The following PFKFB4 variants were observed in gnomAD, a reference collection of about 807,000 sequenced individuals.
PFKFB4 encodes the protein 6-phosphofructo-2-kinase/fructose-2,6-biphosphatase 4.
A neutral mutation model predicts 62.8 loss-of-function variants in PFKFB4; 42 were observed. That is an observed-to-expected ratio of 0.67 (90% CI 0.52 to 0.86). The LOEUF (loss-of-function observed/expected upper bound fraction) is 0.86. PFKFB4 is among the 40% of genes least tolerant of loss of function. The pLI, the probability that PFKFB4 is intolerant of heterozygous loss-of-function variation, is 0.00. For synonymous variants in PFKFB4, 204 were observed against 240.7 expected, an observed-to-expected ratio of 0.85 and a Z score of 1.41; for missense variants, 475 against 627.2, an observed-to-expected ratio of 0.76 and a Z score of 2.59.
At chr3:48,519,941 C>G in intron 13 of PFKFB4, 135 bp from the exon 14 acceptor site, 1 of 660,734 alleles carries the variant, frequency 1.5e-6, no homozygotes, top group Non-Finnish European at 2.7e-6. Flanking sequence ...GACTCTAGAC[C>G]ACAAGCTTCC....
At position 48,538,482 on chromosome 3, in the gene PFKFB4, C is replaced by T. The variant is rs370965964; in HGVS notation, c.632+16G>A. ...CCACCATCACAGCTGCAGGGCCTGGCGCTGCCCTGACTCACCTATCCAGGT... is the reference window on the plus strand; with the variant it reads ...CCACCATCACAGCTGCAGGGCCTGGTGCTGCCCTGACTCACCTATCCAGGT... On this transcript the variant is annotated intron_variant, in intron 7 of 13. Transcript: ENST00000232375. 60 of 1,612,926 alleles carry T rather than the reference C, an allele frequency of 3.7e-5. No individual in the cohort carries two copies. The African/African-American group carries it at 5.7e-4, about 15-fold the overall frequency.
chr3:48,533,529 C>T (rs983300894), intron 9 of PFKFB4, among the ~76,000 whole-genome samples: 1 of 152,126 alleles, frequency 6.6e-6, no homozygotes, highest in African/African-American at 2.4e-5. Context: ...ACCAGATTTG[C>T]TCTGGCCCCA....
chr3:48,522,129 G>A (rs2042115640), intron 12 of PFKFB4, 79 bp from the exon 13 acceptor site: 6 of 1,307,598 alleles, frequency 4.6e-6, no homozygotes, highest in Non-Finnish European at 6.6e-6. Flanking sequence ...TCTCTTGGAG[G>A]GGGGTCTGGG....
chr3:48,543,743 G>A, intron 3 of PFKFB4, 97 bp from the exon 4 acceptor site: 2 of 877,210 alleles, frequency 2.3e-6, no homozygotes, highest in East Asian at 2.6e-5. Flanking sequence ...ACAGGAGAAG[G>A]AACAGCCCCG....
At position 48,521,628 on chromosome 3, in the gene PFKFB4, C is replaced by G. The variant is rs2042096930; in HGVS notation, c.1350+358G>C. 1.3e-5 allele frequency among the ~76,000 whole-genome samples: 2 copies of G among 152,174 alleles called. No homozygotes were observed. Among genetic ancestry groups the G allele is most frequent in the African/African-American group, 4.8e-5 (2 of 41,436 alleles). Reference sequence around the variant, plus strand: ...AGGCCAGAAGCCTCATTCTTAGCCTCCAGCCTCATTCTCACTGAGCCCAAG... The same window carrying G: ...AGGCCAGAAGCCTCATTCTTAGCCTGCAGCCTCATTCTCACTGAGCCCAAG... On this transcript the variant is annotated intron_variant, in intron 13 of 13. Transcript: ENST00000232375. The surrounding 1 kb of genome is among the most constrained non-coding windows in gnomAD (Gnocchi z 5.3).
rs76188073 is a variant in PFKFB4, at chr3:48,553,506, G to A, written c.97+3175C>T. On this transcript the variant is annotated intron_variant, in intron 1 of 13. Transcript: ENST00000232375. ...AAAAGAACACACTGTTTATAACATT[G>A]AGCATGTGCGGAAGGAAATGTGAAG... 1.1e-3 allele frequency among the ~76,000 whole-genome samples: 160 copies of A among 152,174 alleles called. 1 individual carries two copies. Among genetic ancestry groups the A allele is most frequent in the African/African-American group, 3.7e-3 (154 of 41,510 alleles).
At chr3:48,557,014 GT>G (rs1456296251), upstream of PFKFB4, 15 of 1,326,278 alleles carry the variant, frequency 1.1e-5, no homozygotes, top group Admixed American at 3.6e-5. Flanking sequence ...AGTGGGCCCA[GT>G]TCTTCAGGCC....
In PFKFB4 at chr3:48,535,555, C is replaced by A. The variant is rs1374816757; in HGVS notation, c.944G>T (p.Gly315Val). ...GACCTTCCACTGTTCATAGGGCACA[C>A]CCAGTGCCTCAGCCGTCTGGATTGT... ...KRTIQTAEALGVPYEQWKVLN... is the reference protein window; with the variant it reads ...KRTIQTAEALVVPYEQWKVLN... The change falls in exon 9 of 14, where the codon GGT becomes GTT. Residue 315 changes from glycine (G) to valine (V), a missense_variant. Gly to Val is a moderately radical substitution (Grantham distance 109). Transcript: ENST00000232375. The A allele has an allele frequency of 6.2e-7, 1 of 1,614,132 alleles. No homozygotes were observed. Among genetic ancestry groups the A allele is most frequent in the Non-Finnish European group, 8.5e-7 (1 of 1,179,976 alleles).
At chr3:48,550,258 C>G in intron 1 of PFKFB4, 24 bp from the exon 2 acceptor site, 1 of 1,500,068 alleles carries the variant, frequency 6.7e-7, no homozygotes, top group South Asian at 1.1e-5. Context: ...AGCACAGTGT[C>G]AGATGAGGGC....
intron 10 of PFKFB4, 119 bp from the exon 11 acceptor site, chr3:48,523,949 C>T (rs990120495): frequency 4.9e-5 from 57 of 1,162,572 alleles, no homozygotes; most frequent in Non-Finnish European, 4.9e-5. Context: ...GAAGCTGTGG[C>T]TGGGCCTCCT....
chr3:48,519,601 G>A lies in PFKFB4; in HGVS notation c.*146C>T, dbSNP rs1381474024. ...GTCAACAAAGAGCCAGGTGGGCTGG[G>A]GTGGGGGCTCTGGGTTCCGCCAGCC... On this transcript the variant is annotated 3_prime_UTR_variant, in exon 14 of 14. Coordinates refer to ENST00000232375, the MANE Select transcript of PFKFB4 (RefSeq NM_004567.4). 1 of 656,958 alleles carries A rather than the reference G, an allele frequency of 1.5e-6. No homozygotes were observed. The highest frequency in any genetic ancestry group is 1.8e-5 in the African/African-American group (1 of 55,736). 40.7% of individuals were successfully genotyped at this position (656,958 alleles called of 1,614,324 possible).
At chr3:48,535,437 T>C in intron 9 of PFKFB4, 75 bp downstream of exon 9, 1 of 1,303,184 alleles carries the variant, frequency 7.7e-7, no homozygotes, top group South Asian at 1.3e-5. Flanking sequence ...GGAGCAATGG[T>C]CACTGTTGTT....
In PFKFB4 at chr3:48,531,756, G is replaced by T. The variant is rs199907875; in HGVS notation, c.987+3756C>A. Among the ~76,000 whole-genome samples the T allele has an allele frequency of 3.4e-4, 51 of 152,086 alleles. 2 individuals carry two copies. The East Asian group carries it at 7.9e-3, about 24-fold the overall frequency. On this transcript the variant is annotated intron_variant, in intron 9 of 13. Transcript: ENST00000232375. The stretch of plus-strand genomic sequence containing the variant: ...TGCAGTGAGCCATGATGGTGCCATT[G>T]CACTCCAGCCAGGACAACAGAGCAA...
intron 1 of PFKFB4, among the ~76,000 whole-genome samples, chr3:48,550,527 A>T (rs1254351826): frequency 1.3e-5 from 2 of 152,240 alleles, no homozygotes; most frequent in East Asian, 3.9e-4. Context: ...CGAACTTGCC[A>T]CTGGCTAAAC....
chr3:48,559,446 C>G (rs559744840), upstream of PFKFB4: 3 of 452,306 alleles, frequency 6.6e-6, no homozygotes, highest in African/African-American at 6.0e-5. Flanking sequence ...CTCAGCTCAA[C>G]TCCCAGCCTT....
At position 48,536,347 on chromosome 3, in the gene PFKFB4, C is replaced by CG. The variant is rs1560163676; in HGVS notation, c.748dup (p.Arg250ProfsTer42). The CG allele has an allele frequency of 3.1e-6, 5 of 1,614,152 alleles. No individual in the cohort carries two copies. Among genetic ancestry groups the CG allele is most frequent in the Non-Finnish European group, 4.2e-6 (5 of 1,180,026 alleles). On this transcript the variant is annotated frameshift_variant, in exon 8 of 14. Coordinates refer to ENST00000232375, the MANE Select transcript of PFKFB4 (RefSeq NM_004567.4). LOFTEE classifies it high-confidence loss of function. ...CCCGTGCCGGCAGAGGTAGATGGAG[C>CG]GGGGGGTCACGTGGATGTTCATGAG...
chr3:48,530,356 A>AAT (rs1253784837), intron 9 of PFKFB4, among the ~76,000 whole-genome samples: 1 of 152,246 alleles, frequency 6.6e-6, no homozygotes, highest in East Asian at 1.9e-4. Context: ...GAATGGCAAT[A>AAT]ATACAACATC....
At chr3:48,520,477 G>A (rs2042063332) in intron 13 of PFKFB4, among the ~76,000 whole-genome samples, 1 of 152,130 alleles carries the variant, frequency 6.6e-6, no homozygotes, top group East Asian at 1.9e-4. Flanking sequence ...CCAGCTGTGG[G>A]CCCCGGAACC....
intron 3 of PFKFB4, chr3:48,547,884 C>T (rs1261307923): frequency 2.0e-5 from 3 of 152,208 alleles, no homozygotes; most frequent in African/African-American, 7.2e-5. Flanking sequence ...CCAGGTTTTC[C>T]ATTTTAAAAA....
Sources: gnomAD v4.1 joint callset for allele counts (sites outside exome capture counted in the v4.1 genomes callset) on GRCh38, gnomAD v4.1.1 for gene constraint, Gnocchi (gnomAD v3.1) non-coding constraint, MANE v1.5 for transcripts, NCBI Gene and HGNC (gene_info 2026-07-23, HGNC 2026-07-21) for gene names.